GFOD1: variants seen among roughly 807,000 people sequenced by gnomAD.
GFOD1 encodes the protein glucose-fructose oxidoreductase domain-containing protein 1.
GFOD1 carries 9 observed loss-of-function variants against 25.4 expected under a neutral mutation model. The ratio of observed to expected loss-of-function variants is 0.35; its 90% CI spans 0.21 to 0.62. The LOEUF is 0.62. GFOD1 is among the 20% of genes least tolerant of loss of function. The pLI is 0.72. For synonymous variants in GFOD1, 253 were observed against 245.6 expected, an observed-to-expected ratio of 1.03 and a Z score of -0.28; for missense variants, 403 against 556.9, an observed-to-expected ratio of 0.72 and a Z score of 2.78.
chr6:13,485,899 T>G, intron 1 of GFOD1: 2 of 415,462 alleles, frequency 4.8e-6, no homozygotes, highest in Non-Finnish European at 6.5e-6. Flanking sequence ...GAGGCTGCAG[T>G]CAAAAGTTAA....
intron 1 of GFOD1, among the ~76,000 whole-genome samples, chr6:13,414,360 G>T (rs1228360975): frequency 6.6e-6 from 1 of 152,244 alleles, no homozygotes; most frequent in African/African-American, 2.4e-5. Context: ...GAAGCACTGG[G>T]CAGAGTCGGC....
At chr6:13,434,683 T>C (rs1283367019) in intron 1 of GFOD1, among the ~76,000 whole-genome samples, 2 of 152,122 alleles carry the variant, frequency 1.3e-5, no homozygotes, top group Admixed American at 6.5e-5. Flanking sequence ...GAAGGAGAAG[T>C]AGACATCCAG....
intron 1 of GFOD1, among the ~76,000 whole-genome samples, chr6:13,370,169 G>C (rs1366230621): frequency 1.3e-5 from 2 of 152,182 alleles, no homozygotes; most frequent in Non-Finnish European, 2.9e-5. Flanking sequence ...AGAAGGTTCT[G>C]CTGACCCTGA....
In GFOD1 at chr6:13,365,146, C is replaced by T. The variant is rs759860102; in HGVS notation, c.770G>A (p.Arg257His). 1 of 1,613,398 alleles carries T rather than the reference C, an allele frequency of 6.2e-7. No individual in the cohort carries two copies. Among genetic ancestry groups the T allele is most frequent in the Non-Finnish European group, 8.5e-7 (1 of 1,179,884 alleles). Reference protein sequence around the residue: ...QDVTVVGSAGRLLAVGTDLYG... With the variant: ...QDVTVVGSAGHLLAVGTDLYG... ...CAGGTCGGTGCCCACGGCCAGCAGG[C>T]GCCCGGCTGAGCCCACCACAGTGAC... is the stretch of plus-strand genomic sequence containing the variant. The change falls in exon 2 of 2, where the codon CGC (arginine) becomes CAC (histidine). Residue 257 changes from arginine to histidine, a missense_variant. Coordinates refer to ENST00000379287, the MANE Select transcript of GFOD1 (RefSeq NM_018988.4). The surrounding 1 kb of genome is among the most constrained non-coding windows in gnomAD (Gnocchi z 9.2).
Position 13,390,448 on chromosome 6 carries a change from G to A in GFOD1, c.254-24786C>T, listed in dbSNP as rs537492270. On this transcript the variant is annotated intron_variant, in intron 1 of 1. Transcript: ENST00000379287. ...TCTAAAAAAAATACAAAAAATAGCCGGGTGCTGTGGCATGCACCTGCAGTC... is the reference window on the plus strand; with the variant it reads ...TCTAAAAAAAATACAAAAAATAGCCAGGTGCTGTGGCATGCACCTGCAGTC... 8.6e-4 allele frequency among the ~76,000 whole-genome samples: 131 copies of A among 152,148 alleles called. 1 individual carries two copies. The highest frequency in any genetic ancestry group is 3.0e-3 in the African/African-American group (126 of 41,512).
At chr6:13,415,771 G>A (rs925025300) in intron 1 of GFOD1, among the ~76,000 whole-genome samples, 1 of 152,196 alleles carries the variant, frequency 6.6e-6, no homozygotes, top group African/African-American at 2.4e-5. Context: ...GAGCCATGAT[G>A]GCCATCCGCC....
chr6:13,365,105 T>C lies in GFOD1; in HGVS notation c.811A>G (p.Ser271Gly). 1 of 1,612,730 alleles carries C rather than the reference T, an allele frequency of 6.2e-7. No homozygotes were observed. Among genetic ancestry groups the C allele is most frequent in the Non-Finnish European group, 8.5e-7 (1 of 1,179,786 alleles). Residue 271 changes from serine to glycine, a missense_variant, in exon 2 of 2, where the codon AGC becomes GGC. By Grantham distance (56) the Ser-to-Gly change is moderately conservative. Coordinates refer to ENST00000379287, the MANE Select transcript of GFOD1 (RefSeq NM_018988.4). This position sits in a 1 kb window ranked among gnomAD's most constrained non-coding sequence, Gnocchi z 9.2. Reference protein sequence around the residue: ...VGTDLYGQRNSAPEQELLVQD... With the variant: ...VGTDLYGQRNGAPEQELLVQD... ...ACCAGCAGCTCCTGCTCCGGGGCGCTGTTGCGCTGCCCGTACAGGTCGGTG... is the reference window on the plus strand; with the variant it reads ...ACCAGCAGCTCCTGCTCCGGGGCGCCGTTGCGCTGCCCGTACAGGTCGGTG...
chr6:13,409,933 A>G (rs201302727), intron 1 of GFOD1, among the ~76,000 whole-genome samples: 5 of 36,310 alleles, frequency 1.4e-4, no homozygotes, highest in African/African-American at 1.9e-4. Context: ...AAAAAAAAAA[A>G]AAAAAAAGAA....
chr6:13,443,144 C>A (rs983935693), intron 1 of GFOD1, among the ~76,000 whole-genome samples: 3 of 152,156 alleles, frequency 2.0e-5, no homozygotes, highest in Non-Finnish European at 4.4e-5. Flanking sequence ...GAAGTCACTG[C>A]AGATGTGATG....
chr6:13,445,249 AG>A (rs1483224569), intron 1 of GFOD1, among the ~76,000 whole-genome samples: 2 of 152,222 alleles, frequency 1.3e-5, no homozygotes, highest in African/African-American at 2.4e-5. Flanking sequence ...TGTCTTCATC[AG>A]GAGCCAGATT....
chr6:13,415,143 G>A (rs183694138), intron 1 of GFOD1, among the ~76,000 whole-genome samples: 15 of 152,234 alleles, frequency 9.9e-5, no homozygotes, highest in Admixed American at 4.6e-4. Context: ...CCCAGCACTC[G>A]TGCCCTGTCT....
chr6:13,407,297 A>T (rs1785964239), intron 1 of GFOD1, among the ~76,000 whole-genome samples: 1 of 152,204 alleles, frequency 6.6e-6, no homozygotes, highest in Admixed American at 6.5e-5. Context: ...AGAAGAAAGG[A>T]GGATACCCTT....
intron 1 of GFOD1, among the ~76,000 whole-genome samples, chr6:13,436,369 CA>C (rs1253385286): frequency 1.3e-5 from 2 of 152,164 alleles, no homozygotes; most frequent in Non-Finnish European, 2.9e-5. Context: ...CCAAATAAAA[CA>C]GTTGTAAAAG....
At chr6:13,467,558 T>C (rs1485615984) in intron 1 of GFOD1, among the ~76,000 whole-genome samples, 2 of 152,188 alleles carry the variant, frequency 1.3e-5, no homozygotes, top group East Asian at 1.9e-4. Context: ...GAAACCTGCC[T>C]GCAAAGAAAA....
chr6:13,396,152 A>G (rs1375504347), intron 1 of GFOD1, among the ~76,000 whole-genome samples: 1 of 152,180 alleles, frequency 6.6e-6, no homozygotes, highest in Non-Finnish European at 1.5e-5. Flanking sequence ...TACGTAGCTC[A>G]CTAGAAATCC....
At chr6:13,451,505 T>C (rs940836751) in intron 1 of GFOD1, among the ~76,000 whole-genome samples, 3 of 152,160 alleles carry the variant, frequency 2.0e-5, no homozygotes, top group Non-Finnish European at 4.4e-5. Context: ...CAGGGTCACC[T>C]TGAGGTGTCT....
intron 1 of GFOD1, among the ~76,000 whole-genome samples, chr6:13,436,878 G>GT (rs1222290402): frequency 1.3e-5 from 2 of 152,188 alleles, no homozygotes; most frequent in Non-Finnish European, 2.9e-5. Flanking sequence ...CATTTTATGT[G>GT]ACATTCTATC....
chr6:13,381,780 CCCT>C (rs1785366146), intron 1 of GFOD1, among the ~76,000 whole-genome samples: 1 of 152,130 alleles, frequency 6.6e-6, no homozygotes, highest in East Asian at 1.9e-4. Flanking sequence ...TTATCCCCTC[CCCT>C]CCTCCTCCCC....
intron 1 of GFOD1, among the ~76,000 whole-genome samples, chr6:13,386,118 A>G (rs1785469110): frequency 6.7e-6 from 1 of 148,426 alleles, no homozygotes; most frequent in African/African-American, 2.5e-5. Flanking sequence ...CTAGAGTGCA[A>G]TGGCACTATC....
Sources: gnomAD v4.1 joint callset for allele counts (sites outside exome capture counted in the v4.1 genomes callset) on GRCh38, gnomAD v4.1.1 for gene constraint, Gnocchi (gnomAD v3.1) non-coding constraint, MANE v1.5 for transcripts, NCBI Gene and HGNC (gene_info 2026-07-23, HGNC 2026-07-21) for gene names.